The following AK8 variants were observed in gnomAD, a reference collection of about 807,000 sequenced individuals.
The protein encoded by AK8 is ATP-AMP transphosphorylase 8.
In AK8, 44 loss-of-function variants were observed where a neutral mutation model predicts 54.6. The observed-to-expected ratio is 0.81, with a 90% CI of 0.63 to 1.04. The LOEUF is 1.04. Ranked by LOEUF, AK8 falls within the 50% of genes least tolerant of loss-of-function variation. The pLI, the probability that AK8 is intolerant of heterozygous loss-of-function variation, is 0.00. For missense variants in AK8, 555 were observed against 613.6 expected, an observed-to-expected ratio of 0.90 and a Z score of 1.01; for synonymous variants, 239 against 245.6, an observed-to-expected ratio of 0.97 and a Z score of 0.25.
At chr9:132,821,757 A>G (rs1841634693) in intron 9 of AK8, among the ~76,000 whole-genome samples, 1 of 125,210 alleles carries the variant, frequency 8.0e-6, no homozygotes, top group African/African-American at 3.6e-5. Flanking sequence ...ATATACAAAT[A>G]TATACATATA....
chr9:132,820,251 C>T (rs924369554), intron 9 of AK8, among the ~76,000 whole-genome samples: 7 of 150,882 alleles, frequency 4.6e-5, no homozygotes, highest in Non-Finnish European at 1.0e-4. Flanking sequence ...ATCCACAGCT[C>T]TGCCGAGATA....
chr9:132,853,383 G>A (rs1588215536), intron 5 of AK8, among the ~76,000 whole-genome samples: 2 of 148,458 alleles, frequency 1.3e-5, no homozygotes, highest in African/African-American at 2.5e-5. Context: ...GAAAAGAAAA[G>A]GAAAAAAGAA....
intron 11 of AK8, among the ~76,000 whole-genome samples, chr9:132,784,222 A>C (rs1228573569): frequency 6.6e-6 from 1 of 152,148 alleles, no homozygotes; most frequent in East Asian, 1.9e-4. Flanking sequence ...ACCCAGGCAA[A>C]AGAAACACAT....
intron 4 of AK8, 138 bp from the exon 5 acceptor site, chr9:132,855,063 C>A: frequency 2.6e-6 from 2 of 766,304 alleles, no homozygotes; most frequent in Non-Finnish European, 2.2e-6. Flanking sequence ...CTTCCTCCAC[C>A]CGCTGCACCC....
At chr9:132,797,385 G>C (rs952070700) in intron 10 of AK8, among the ~76,000 whole-genome samples, 4 of 152,170 alleles carry the variant, frequency 2.6e-5, no homozygotes, top group Non-Finnish European at 5.9e-5. Flanking sequence ...GCGTTCATGG[G>C]CCAGAGAACT....
chr9:132,736,211 A>C (rs868097586), intron 11 of AK8, among the ~76,000 whole-genome samples: 1 of 149,322 alleles, frequency 6.7e-6, no homozygotes, highest in Non-Finnish European at 1.5e-5. Context: ...TTTGAGACGA[A>C]GTCTCGCTCT....
chr9:132,858,576 C>T (rs548944236), intron 4 of AK8, among the ~76,000 whole-genome samples: 37 of 152,212 alleles, frequency 2.4e-4, no homozygotes, highest in Non-Finnish European at 5.1e-4. Flanking sequence ...ATCTGACCCC[C>T]ACACCCCCCT....
chr9:132,744,789 A>T (rs555456616), intron 11 of AK8, among the ~76,000 whole-genome samples: 26 of 152,342 alleles, frequency 1.7e-4, no homozygotes, highest in African/African-American at 5.3e-4. Flanking sequence ...AATAATAACC[A>T]CTGTGCAGAG....
intron 1 of AK8, chr9:132,877,690 C>T: frequency 2.6e-6 from 1 of 379,374 alleles, no homozygotes; most frequent in South Asian, 1.9e-5. Context: ...ATGCTGCTGT[C>T]CCAGAGGCGG....
At chr9:132,764,115 G>A (rs1419227670) in intron 11 of AK8, among the ~76,000 whole-genome samples, 1 of 152,188 alleles carries the variant, frequency 6.6e-6, no homozygotes, top group African/African-American at 2.4e-5. Flanking sequence ...GACCAGCCTA[G>A]GCAACATGGT....
chr9:132,866,760 C>T, intron 3 of AK8, 144 bp downstream of exon 3: 1 of 818,452 alleles, frequency 1.2e-6, no homozygotes, highest in Non-Finnish European at 2.0e-6. Flanking sequence ...TATGAATACA[C>T]ACTACCTTTT....
At chr9:132,777,985 G>A (rs769698355) in intron 11 of AK8, among the ~76,000 whole-genome samples, 3 of 152,212 alleles carry the variant, frequency 2.0e-5, no homozygotes, top group Non-Finnish European at 2.9e-5. Flanking sequence ...TCTGTCTCGA[G>A]GTGCGAAGGA....
At chr9:132,744,583 T>C (rs1265877173) in intron 11 of AK8, among the ~76,000 whole-genome samples, 7 of 152,136 alleles carry the variant, frequency 4.6e-5, no homozygotes, top group Admixed American at 3.9e-4. Context: ...TCTAATCTAA[T>C]AGGATTCACT....
At chr9:132,854,953 TG>T (rs767014002) in intron 4 of AK8, 28 bp from the exon 5 acceptor site, 1 of 1,613,722 alleles carries the variant, frequency 6.2e-7, no homozygotes, top group Non-Finnish European at 8.5e-7. Context: ...CACAGAATGA[TG>T]GCCCAAACCT....
intron 5 of AK8, among the ~76,000 whole-genome samples, chr9:132,839,993 T>G (rs1161166517): frequency 6.6e-6 from 1 of 151,918 alleles, no homozygotes; most frequent in African/African-American, 2.4e-5. Context: ...AATTTTTGTG[T>G]TTTTAGTAGA....
chr9:132,733,298 C>A (rs191921078), intron 11 of AK8, among the ~76,000 whole-genome samples: 135 of 151,854 alleles, frequency 8.9e-4, no homozygotes, highest in African/African-American at 3.0e-3. Context: ...TCATCCCTGA[C>A]GCTGTGAACA....
intron 11 of AK8, among the ~76,000 whole-genome samples, chr9:132,777,460 C>A (rs1280933783): frequency 6.6e-6 from 1 of 152,140 alleles, no homozygotes; most frequent in Non-Finnish European, 1.5e-5. Flanking sequence ...TGTTCCTTGC[C>A]CCTGCTGCCT....
intron 11 of AK8, among the ~76,000 whole-genome samples, chr9:132,751,859 G>A (rs1837942100): frequency 6.6e-6 from 1 of 151,570 alleles, no homozygotes; most frequent in Admixed American, 6.6e-5. Context: ...TTTTATTTTT[G>A]AGAAGGAGTC....
chr9:132,867,623 G>A (rs1476495338), intron 2 of AK8, among the ~76,000 whole-genome samples: 2 of 152,238 alleles, frequency 1.3e-5, no homozygotes, highest in Non-Finnish European at 2.9e-5. Context: ...CCCGGCAGGT[G>A]AAGCTCTGGT....
Sources: allele counts gnomAD v4.1 joint callset (sites outside exome capture counted in the v4.1 genomes callset), GRCh38; gene constraint gnomAD v4.1.1; transcripts MANE v1.5; gene names NCBI Gene and HGNC (gene_info 2026-07-23, HGNC 2026-07-21).